Variants in UBR3 observed in about 807,000 individuals in gnomAD.
UBR3 encodes the protein ubiquitin protein ligase E3 component n-recognin 3, also known as E3 ubiquitin-protein ligase UBR3.
Under a neutral mutation model 243.2 loss-of-function variants are expected in UBR3, and 85 were observed. The observed-to-expected ratio is 0.35, with a 90% CI of 0.29 to 0.42. UBR3 has a LOEUF of 0.42. Among genes scored for constraint, UBR3 ranks in the 10% least tolerant of loss-of-function variants. The probability of loss-of-function intolerance (pLI) is 1.00; values close to 1 mark genes in which losing one functional copy is unlikely to be tolerated. For missense variants in UBR3, 1,686 were observed against 2,300.8 expected (o/e 0.73, Z 5.47); for synonymous variants, 748 against 799.8 (o/e 0.94, Z 1.09).
intron 35 of UBR3, among the ~76,000 whole-genome samples, chr2:170,067,280 A>T (rs2091593915): frequency 6.6e-6 from 1 of 152,204 alleles, no homozygotes; most frequent in Non-Finnish European, 1.5e-5. Flanking sequence ...TTTGTGCATT[A>T]CATGTAAAAT....
intron 24 of UBR3, among the ~76,000 whole-genome samples, chr2:169,969,606 TG>T (rs2087998327): frequency 6.6e-6 from 1 of 150,448 alleles, no homozygotes; most frequent in Non-Finnish European, 1.5e-5. Flanking sequence ...TGGAGTTCAG[TG>T]GTGCAATCTC....
intron 32 of UBR3, among the ~76,000 whole-genome samples, chr2:170,054,533 C>G (rs1197354129): frequency 6.6e-6 from 1 of 152,056 alleles, no homozygotes; most frequent in Non-Finnish European, 1.5e-5. Context: ...CCGCCCACCT[C>G]AGCCTCCCAA....
chr2:169,906,570 T>A (rs1278762722), intron 10 of UBR3, among the ~76,000 whole-genome samples: 1 of 151,910 alleles, frequency 6.6e-6, no homozygotes, highest in Non-Finnish European at 1.5e-5. Context: ...TATAATATTA[T>A]AAGCATTGGT....
chr2:169,880,357 G>A (rs984310995), intron 5 of UBR3, among the ~76,000 whole-genome samples: 2 of 152,196 alleles, frequency 1.3e-5, no homozygotes, highest in Non-Finnish European at 2.9e-5. Flanking sequence ...CTAGCATTAT[G>A]TATCCAACAG....
chr2:169,891,125 G>C (rs1453477804), intron 5 of UBR3, 40 bp from the exon 6 acceptor site: 1 of 1,435,866 alleles, frequency 7.0e-7, no homozygotes, highest in Non-Finnish European at 9.6e-7. Context: ...ATCAATTTAT[G>C]AATGTGACTG....
At chr2:170,064,805 T>A (rs2091524736) in intron 35 of UBR3, among the ~76,000 whole-genome samples, 8 of 5,502 alleles carry the variant, frequency 1.5e-3, no homozygotes, top group Non-Finnish European at 5.8e-4. Flanking sequence ...CTTTTTCTAT[T>A]TTTTTTTTTT....
At chr2:169,859,481 A>AT (rs982923541) in intron 1 of UBR3, among the ~76,000 whole-genome samples, 37 of 151,388 alleles carry the variant, frequency 2.4e-4, no homozygotes, top group Admixed American at 4.6e-4. Flanking sequence ...AATTCTTCAG[A>AT]TTTTTTTTTG....
chr2:169,927,359 C>A lies in UBR3; in HGVS notation c.2378C>A (p.Ala793Asp). The A allele has an allele frequency of 6.4e-7, 1 of 1,550,976 alleles. No homozygotes were observed. Reference protein sequence around the residue: ...DDEILRAEMVAQLCMNDRTHS... With the variant: ...DDEILRAEMVDQLCMNDRTHS... Reference sequence around the variant, plus strand: ...GAGATTCTCAGGGCCGAGATGGTAGCCCAGCTGTGTATGAATGACAGGACA... The same window carrying A: ...GAGATTCTCAGGGCCGAGATGGTAGACCAGCTGTGTATGAATGACAGGACA... Residue 793 changes from alanine (A) to aspartate (D), a missense_variant, in exon 17 of 39, where the codon GCC (alanine) becomes GAC (aspartate). Transcript: ENST00000272793.
At chr2:169,919,984 C>T (rs562691133) in intron 11 of UBR3, among the ~76,000 whole-genome samples, 1 of 152,336 alleles carries the variant, frequency 6.6e-6, no homozygotes, top group African/African-American at 2.4e-5. Context: ...GGTTATAAAT[C>T]ATGCCTCTAT....
chr2:170,065,540 C>G (rs554667329), intron 35 of UBR3, among the ~76,000 whole-genome samples: 3 of 152,200 alleles, frequency 2.0e-5, no homozygotes, highest in Admixed American at 6.5e-5. Flanking sequence ...TGATCCACCC[C>G]CCTCAGCTCC....
intron 24 of UBR3, among the ~76,000 whole-genome samples, chr2:169,984,408 CTCTT>C (rs1427306682): frequency 6.6e-6 from 1 of 152,142 alleles, no homozygotes; most frequent in Non-Finnish European, 1.5e-5. Context: ...CCTTCATGGT[CTCTT>C]TCTGTCACTG....
chr2:169,874,925 T>G (rs1184835295), intron 2 of UBR3, among the ~76,000 whole-genome samples: 1 of 152,150 alleles, frequency 6.6e-6, no homozygotes, highest in Non-Finnish European at 1.5e-5. Context: ...TTTCCTTCCT[T>G]TTAGACCTCG....
intron 24 of UBR3, among the ~76,000 whole-genome samples, chr2:169,969,521 G>T: frequency 6.8e-6 from 1 of 147,632 alleles, no homozygotes; most frequent in Non-Finnish European, 1.5e-5. Flanking sequence ...ATTTATTTCT[G>T]TGTTCTCTAT....
rs538459714 is a variant in UBR3 at position 169,866,658 on chromosome 2, C to T, written c.546-5578C>T. Among the ~76,000 whole-genome samples, 24 of 152,188 alleles carry T rather than the reference C, an allele frequency of 1.6e-4. No individual in the cohort carries two copies. In the South Asian group the frequency reaches 2.7e-3, roughly 17 times the overall value. Reference sequence around the variant, plus strand: ...GATTACAGGTGTGAGCAACCGTGCCCGGACTGGAAGAAGTTCTTAAATTCA... The same window carrying T: ...GATTACAGGTGTGAGCAACCGTGCCTGGACTGGAAGAAGTTCTTAAATTCA... On this transcript the variant is annotated intron_variant, in intron 1 of 38. Coordinates refer to ENST00000272793, the MANE Select transcript of UBR3 (RefSeq NM_172070.4).
At chr2:169,885,705 G>T (rs2084066603) in intron 5 of UBR3, among the ~76,000 whole-genome samples, 1 of 152,032 alleles carries the variant, frequency 6.6e-6, no homozygotes, top group Non-Finnish European at 1.5e-5. Flanking sequence ...ACATAATTGA[G>T]AAATAATCAC....
chr2:170,072,522 T>G (rs2091722142), intron 35 of UBR3, among the ~76,000 whole-genome samples: 1 of 152,078 alleles, frequency 6.6e-6, no homozygotes, highest in Non-Finnish European at 1.5e-5. Flanking sequence ...TATATACATA[T>G]GTAACTAACC....
At chr2:169,928,914 A>G (rs139564412) in intron 18 of UBR3, 46 bp downstream of exon 18, 150 of 1,311,506 alleles carry the variant, frequency 1.1e-4, no homozygotes, top group Non-Finnish European at 1.2e-4. Context: ...TCAGTTCTTG[A>G]ATGGTGAATT....
intron 33 of UBR3, among the ~76,000 whole-genome samples, chr2:170,056,577 A>C (rs1426645410): frequency 6.6e-6 from 1 of 152,214 alleles, no homozygotes; most frequent in Non-Finnish European, 1.5e-5. Flanking sequence ...TGGTAGGAAA[A>C]ATAATAGGTA....
intron 24 of UBR3, chr2:169,964,917 G>A (rs1489684859): frequency 2.2e-6 from 1 of 456,868 alleles, no homozygotes; most frequent in Non-Finnish European, 4.4e-6. Flanking sequence ...TCAGGATAAT[G>A]AGCTCTACTT....
Sources: gnomAD v4.1 joint callset for allele counts (sites outside exome capture counted in the v4.1 genomes callset) on GRCh38, gnomAD v4.1.1 for gene constraint, MANE v1.5 for transcripts, NCBI Gene and HGNC (gene_info 2026-07-23, HGNC 2026-07-21) for gene names.